The following APP variants were observed in gnomAD, a reference collection of about 807,000 sequenced individuals.
APP encodes the protein amyloid-beta precursor protein.
Under a neutral mutation model 101.4 loss-of-function variants are expected in APP, and 31 were observed. That is an observed-to-expected ratio of 0.31 (90% CI 0.23 to 0.41). The LOEUF is 0.41. APP is among the 10% of genes least tolerant of loss of function. The probability of loss-of-function intolerance (pLI) is 1.00; values close to 1 mark genes in which losing one functional copy is unlikely to be tolerated. For synonymous variants in APP, 366 were observed against 364.4 expected, an observed-to-expected ratio of 1.00 and a Z score of -0.05; for missense variants, 839 against 1,003.7, an observed-to-expected ratio of 0.84 and a Z score of 2.22.
intron 1 of APP, among the ~76,000 whole-genome samples, chr21:26,137,843 C>T (rs1382050123): frequency 2.0e-5 from 3 of 152,080 alleles, no homozygotes; most frequent in Admixed American, 6.6e-5. Flanking sequence ...GAGGCAGGTC[C>T]TATTTTTGTT....
At chr21:25,992,167 C>T (rs1004393524) in intron 8 of APP, among the ~76,000 whole-genome samples, 2 of 152,102 alleles carry the variant, frequency 1.3e-5, no homozygotes, top group African/African-American at 2.4e-5. Context: ...TGGATCACTT[C>T]AGGTCAGGAG....
chr21:26,082,450 T>C (rs1305748365), intron 3 of APP, among the ~76,000 whole-genome samples: 1 of 152,128 alleles, frequency 6.6e-6, no homozygotes, highest in Non-Finnish European at 1.5e-5. Flanking sequence ...AAAAGCAATA[T>C]ACATTCATTA....
chr21:25,886,324 C>T (rs565812505), intron 17 of APP, among the ~76,000 whole-genome samples: 1 of 152,224 alleles, frequency 6.6e-6, no homozygotes, highest in East Asian at 1.9e-4. Context: ...AACTAGAAGG[C>T]AGTTGACTAT....
At chr21:25,974,772 T>C (rs2042162916) in intron 11 of APP, among the ~76,000 whole-genome samples, 2 of 152,134 alleles carry the variant, frequency 1.3e-5, no homozygotes, top group South Asian at 4.2e-4. Context: ...ATGCCATCAA[T>C]TGTCACCACC....
chr21:26,021,704 G>A (rs1342715107), intron 6 of APP, 136 bp downstream of exon 6: 2 of 1,279,952 alleles, frequency 1.6e-6, no homozygotes, highest in African/African-American at 1.5e-5. Flanking sequence ...AATTTCACAA[G>A]CATAAGAAGC....
chr21:26,123,451 A>G (rs2000988), intron 1 of APP, among the ~76,000 whole-genome samples: 98,201 of 152,044 alleles, frequency 0.65, 32,190 homozygotes, highest in East Asian at 0.76. Context: ...TTTCCTGCAG[A>G]CTTGGAACAC....
chr21:26,129,353 C>G (rs2062746524), intron 1 of APP, among the ~76,000 whole-genome samples: 1 of 151,972 alleles, frequency 6.6e-6, no homozygotes, highest in African/African-American at 2.4e-5. Context: ...TGCCTGTAAT[C>G]CCAGCTACTC....
At chr21:26,017,337 G>A (rs1462487249) in intron 6 of APP, among the ~76,000 whole-genome samples, 4 of 150,766 alleles carry the variant, frequency 2.7e-5, no homozygotes, top group African/African-American at 9.7e-5. Context: ...CTGTTTTCCC[G>A]GCTACTTGGG....
At chr21:25,959,305 C>T (rs1455184197) in intron 11 of APP, among the ~76,000 whole-genome samples, 2 of 152,090 alleles carry the variant, frequency 1.3e-5, no homozygotes, top group South Asian at 2.1e-4. Context: ...TGGTGGTGGG[C>T]GCCTGTAGTC....
At chr21:26,143,566 G>A (rs912818102) in intron 1 of APP, among the ~76,000 whole-genome samples, 4 of 152,086 alleles carry the variant, frequency 2.6e-5, no homozygotes, top group African/African-American at 9.7e-5. Context: ...TTTGTTCTGT[G>A]TGGTAAGAAT....
At chr21:26,163,261 AAAAAAAAT>A (rs2063535247) in intron 1 of APP, among the ~76,000 whole-genome samples, 1 of 149,916 alleles carries the variant, frequency 6.7e-6, no homozygotes, top group East Asian at 1.9e-4. Context: ...AAAAAAAAAA[AAAAAAAAT>A]CACCAAAAAA....
chr21:26,015,535 T>C (rs114691049), intron 6 of APP, among the ~76,000 whole-genome samples: 2,052 of 152,324 alleles, frequency 0.013, 47 homozygotes, highest in African/African-American at 0.047. Context: ...CTGGGCATGA[T>C]GGTAAGCGTT....
chr21:26,078,240 A>T (rs2061534134), intron 3 of APP, among the ~76,000 whole-genome samples: 1 of 152,194 alleles, frequency 6.6e-6, no homozygotes, highest in Non-Finnish European at 1.5e-5. Context: ...ATAATAAGTA[A>T]ATAAACAGTT....
intron 1 of APP, chr21:26,169,271 T>A (rs1421565758): frequency 6.6e-6 from 1 of 152,344 alleles, no homozygotes; most frequent in African/African-American, 2.4e-5. Flanking sequence ...TTTTCTTTGC[T>A]GCACTGCAGA....
chr21:26,023,946 T>C (rs1568871616), intron 5 of APP, among the ~76,000 whole-genome samples: 1 of 152,220 alleles, frequency 6.6e-6, no homozygotes, highest in South Asian at 2.1e-4. Context: ...ATTTATGGTA[T>C]TAAACATTTA....
intron 13 of APP, among the ~76,000 whole-genome samples, chr21:25,922,943 C>T (rs1275492532): frequency 1.4e-5 from 2 of 145,414 alleles, no homozygotes; most frequent in East Asian, 2.0e-4. Flanking sequence ...GCCAAAAGAA[C>T]GAAGCTGGAG....
At chr21:25,890,558 T>A (rs1436930969) in intron 17 of APP, among the ~76,000 whole-genome samples, 2 of 151,980 alleles carry the variant, frequency 1.3e-5, no homozygotes, top group Admixed American at 6.6e-5. Context: ...CTGACCAATA[T>A]GGTGAAACCC....
rs1047236555 is a variant in APP, at chr21:26,163,866, T to TA, written c.57+6697dup. 2.2e-3 allele frequency among the ~76,000 whole-genome samples: 341 copies of TA among 152,178 alleles called. 1 individual carries two copies. The highest frequency in any genetic ancestry group is 7.5e-3 in the African/African-American group (312 of 41,538). On this transcript the variant is annotated intron_variant, in intron 1 of 17. Transcript: ENST00000346798. ...TTTTTGAGCAACATATGCTGATTTT[T>TA]AAAAAAAATATATAATTTCAATTAA...
At chr21:25,911,438 T>G (rs1481505951) in intron 14 of APP, among the ~76,000 whole-genome samples, 1 of 152,328 alleles carries the variant, frequency 6.6e-6, no homozygotes, top group East Asian at 1.9e-4. Flanking sequence ...GTTATGTAAA[T>G]CATTACCATT....
Sources: gnomAD v4.1 joint callset for allele counts (sites outside exome capture counted in the v4.1 genomes callset) on GRCh38, gnomAD v4.1.1 for gene constraint, MANE v1.5 for transcripts, NCBI Gene and HGNC (gene_info 2026-07-23, HGNC 2026-07-21) for gene names.